The following DMD variants were observed in gnomAD, a reference collection of about 807,000 sequenced individuals.
DMD encodes the protein dystrophin.
Under a neutral mutation model 330.1 loss-of-function variants are expected in DMD, and 63 were observed. The ratio of observed to expected loss-of-function variants is 0.19; its 90% CI spans 0.16 to 0.24. The LOEUF (loss-of-function observed/expected upper bound fraction) is 0.24. Ranked by LOEUF, DMD falls within the 10% of genes least tolerant of loss-of-function variation. The pLI is 1.00. For missense variants in DMD, 3,344 were observed against 2,684.1 expected (o/e 1.25, Z -5.43); for synonymous variants, 1,223 against 959.8 (o/e 1.27, Z -5.07).
intron 60 of DMD, among the ~76,000 whole-genome samples, chrX:31,373,042 C>T (rs1171943870): frequency 1.8e-5 from 2 of 110,235 alleles, no homozygotes; most frequent in African/African-American, 3.3e-5. Flanking sequence ...GACAGAGAGC[C>T]AAATCATGAG....
intron 1 of DMD, among the ~76,000 whole-genome samples, chrX:33,117,682 AG>A (rs1208374625): frequency 9.0e-6 from 1 of 111,664 alleles, no homozygotes; most frequent in Non-Finnish European, 1.9e-5. Context: ...CAGGGTAAGC[AG>A]TAAAGTTACA....
chrX:32,624,703 A>C (rs1049946602), intron 11 of DMD, among the ~76,000 whole-genome samples: 1 of 111,806 alleles, frequency 8.9e-6, no homozygotes, highest in Non-Finnish European at 1.9e-5. Context: ...CAATGGTATA[A>C]GTCACTTTGA....
chrX:32,812,397 C>A (rs989343469), intron 6 of DMD, among the ~76,000 whole-genome samples: 2 of 112,327 alleles, frequency 1.8e-5, no homozygotes, highest in African/African-American at 6.5e-5. Flanking sequence ...CTTTGGGAGG[C>A]CGAGACGGGT....
chrX:32,493,496 C>T (rs2043200530), intron 19 of DMD, among the ~76,000 whole-genome samples: 1 of 111,756 alleles, frequency 8.9e-6, no homozygotes, highest in Non-Finnish European at 1.9e-5. Flanking sequence ...CTAATATCCT[C>T]CTAATGCTTA....
intron 2 of DMD, among the ~76,000 whole-genome samples, chrX:33,014,290 A>T (rs983089091): frequency 1.8e-5 from 2 of 111,851 alleles, no homozygotes; most frequent in African/African-American, 6.5e-5. Context: ...GAGCATCATC[A>T]GCAAAACCTT....
At chrX:32,405,286 A>G (rs2098111481) in intron 30 of DMD, among the ~76,000 whole-genome samples, 1 of 111,477 alleles carries the variant, frequency 9.0e-6, no homozygotes, top group Admixed American at 9.6e-5. Flanking sequence ...CCAAAACTAA[A>G]CTCTGTGCTT....
chrX:31,336,804 G>A (rs944556551), intron 61 of DMD, among the ~76,000 whole-genome samples: 1 of 112,044 alleles, frequency 8.9e-6, no homozygotes, highest in African/African-American at 3.2e-5. Flanking sequence ...GGTGTTAGGT[G>A]GAGAGAAGAG....
At chrX:33,067,912 T>A (rs1407877219) in intron 1 of DMD, among the ~76,000 whole-genome samples, 1 of 111,756 alleles carries the variant, frequency 8.9e-6, no homozygotes, top group African/African-American at 3.2e-5. Flanking sequence ...CTGTTAATGG[T>A]TGATTCCATA....
intron 7 of DMD, among the ~76,000 whole-genome samples, chrX:32,722,156 T>C (rs2066390099): frequency 9.0e-6 from 1 of 110,569 alleles, no homozygotes; most frequent in African/African-American, 3.3e-5. Context: ...AGTTTTATAA[T>C]GCTCTTTTAT....
chrX:31,281,234 T>C (rs2147884697), intron 62 of DMD, among the ~76,000 whole-genome samples: 1 of 112,023 alleles, frequency 8.9e-6, no homozygotes, highest in African/African-American at 3.2e-5. Flanking sequence ...CATTATTTAA[T>C]CAGCTTCAAA....
intron 62 of DMD, among the ~76,000 whole-genome samples, chrX:31,298,248 T>C (rs1262718552): frequency 8.9e-6 from 1 of 112,053 alleles, no homozygotes; most frequent in Non-Finnish European, 1.9e-5. Context: ...AAACTTCATT[T>C]GAATTTCATA....
intron 37 of DMD, among the ~76,000 whole-genome samples, chrX:32,358,795 C>T (rs1003584853): frequency 9.0e-6 from 1 of 111,035 alleles, no homozygotes; most frequent in Non-Finnish European, 1.9e-5. Flanking sequence ...TTTGTCTCAA[C>T]CCCCCAGATT....
At chrX:32,005,719 TTCTAAACCAATAACAGAGTACTTCTG>T (rs1481308989) in intron 44 of DMD, among the ~76,000 whole-genome samples, 2 of 111,242 alleles carry the variant, frequency 1.8e-5, no homozygotes, top group African/African-American at 6.5e-5. Flanking sequence ...AATATCATTT[TTCTAAACCAATAACAGAGTACTTCTG>T]TGGGAACGAA....
chrX:32,611,127 G>A (rs1224636005), intron 12 of DMD, among the ~76,000 whole-genome samples: 2 of 109,760 alleles, frequency 1.8e-5, no homozygotes, highest in Non-Finnish European at 3.8e-5. Context: ...CCTTCTTCTC[G>A]CCAAAATTGT....
At chrX:32,699,494 G>A (rs929855097) in intron 7 of DMD, among the ~76,000 whole-genome samples, 1 of 111,971 alleles carries the variant, frequency 8.9e-6, no homozygotes, top group Non-Finnish European at 1.9e-5. Context: ...GAGATGAGCA[G>A]TAAAGTTAAT....
At chrX:31,443,329 A>G (rs1230065157) in intron 60 of DMD, among the ~76,000 whole-genome samples, 1 of 111,268 alleles carries the variant, frequency 9.0e-6, no homozygotes, top group Non-Finnish European at 1.9e-5. Context: ...AGATGAGTAA[A>G]TGGACAACCA....
intron 44 of DMD, among the ~76,000 whole-genome samples, chrX:32,020,505 A>G (rs1486868274): frequency 8.9e-6 from 1 of 112,002 alleles, no homozygotes; most frequent in Non-Finnish European, 1.9e-5. Context: ...AAATGAGTTC[A>G]TATGGGTAGG....
Position 32,122,538 on chromosome X carries a change from G to A in DMD, c.6438+94378C>T, listed in dbSNP as rs201542362. On this transcript the variant is annotated intron_variant, in intron 44 of 78. Transcript: ENST00000357033. ...GATTCTGTAAGGTGTTATCTGGATT[G>A]CATTTAGAGAAATGCTGGCCACAGT... Among the ~76,000 whole-genome samples, 5 of 111,461 alleles carry A rather than the reference G, an allele frequency of 4.5e-5. No individual in the cohort carries two copies. The East Asian group carries it at 1.4e-3, about 31-fold the overall frequency.
At chrX:32,766,308 T>C (rs2072975397) in intron 7 of DMD, among the ~76,000 whole-genome samples, 1 of 111,481 alleles carries the variant, frequency 9.0e-6, no homozygotes, top group Non-Finnish European at 1.9e-5. Flanking sequence ...AACAACAATA[T>C]TGAGTGTTCC....
Sources: allele counts gnomAD v4.1 joint callset (sites outside exome capture counted in the v4.1 genomes callset), GRCh38; gene constraint gnomAD v4.1.1; transcripts MANE v1.5; gene names NCBI Gene and HGNC (gene_info 2026-07-23, HGNC 2026-07-21).